PDE6G: variants seen among roughly 807,000 people sequenced by gnomAD.
The protein encoded by PDE6G is phosphodiesterase 6G.
In PDE6G, 10 loss-of-function variants were observed where a neutral mutation model predicts 10.9. The observed-to-expected ratio is 0.91, with a 90% CI of 0.56 to 1.55. The LOEUF (loss-of-function observed/expected upper bound fraction) is 1.55. Ranked by LOEUF, PDE6G falls within the 40% of genes most tolerant of loss-of-function variation. The pLI is 0.00. For synonymous variants in PDE6G, 41 were observed against 42.8 expected, an observed-to-expected ratio of 0.96 and a Z score of 0.16; for missense variants, 102 against 110.1, an observed-to-expected ratio of 0.93 and a Z score of 0.33.
intron 1 of PDE6G, among the ~76,000 whole-genome samples, chr17:81,654,426 T>C (rs1396203293): frequency 2.8e-5 from 4 of 141,742 alleles, no homozygotes; most frequent in African/African-American, 1.1e-4. Flanking sequence ...GTCACCCAGG[T>C]TGGAGTGCAG....
Position 81,653,054 on chromosome 17 carries a change from A to T in PDE6G, c.146+106T>A. 1 of 1,309,598 alleles carries T rather than the reference A, an allele frequency of 7.6e-7. No homozygotes were observed. 81.1% of individuals were successfully genotyped at this position (1,309,598 alleles called of 1,614,324 possible). On this transcript the variant is annotated intron_variant, in intron 2 of 3. Transcript: ENST00000331056. The surrounding 1 kb of genome is among the most constrained non-coding windows in gnomAD (Gnocchi z 5.2). ...CTTCCCCAGCTGTGAGGCTGGGACC[A>T]CTCACCCAGTGAAGTGGCCCCAGGC...
rs377414926 is a variant in PDE6G at position 81,653,275 on chromosome 17, G to A, written c.31C>T (p.Arg11Trp). ...CCCCCGGCCACCCTGGTGGCTGACC[G>A]GAACTCAGCCTTGGGCGGTTCCAGG... is the stretch of plus-strand genomic sequence containing the variant. MNLEPPKAEF[R>W]SATRVAGGPV... Residue 11 changes from arginine (R) to tryptophan (W), a missense_variant, in exon 2 of 4, where the codon CGG becomes TGG. By Grantham distance (101) the Arg-to-Trp change is moderately radical. Coordinates refer to ENST00000331056, the MANE Select transcript of PDE6G (RefSeq NM_002602.4). This position sits in a 1 kb window ranked among gnomAD's most constrained non-coding sequence, Gnocchi z 5.2. The A allele has an allele frequency of 3.3e-5, 53 of 1,613,850 alleles. No homozygotes were observed. In the African/African-American group the frequency reaches 4.7e-4, roughly 14 times the overall value.
At chr17:81,661,257 T>TTGCC (rs2036507765), upstream of PDE6G, among the ~76,000 whole-genome samples, 1 of 152,064 alleles carries the variant, frequency 6.6e-6, no homozygotes, top group African/African-American at 2.4e-5. Context: ...ATGGTGGCAC[T>TTGCC]TGCCTGTAGT....
rs1205342036 is a variant in PDE6G, at chr17:81,651,155, G to A, written c.188-5C>T. 3 of 1,610,090 alleles carry A rather than the reference G, an allele frequency of 1.9e-6. No individual in the cohort carries two copies. Among genetic ancestry groups the A allele is most frequent in the Non-Finnish European group, 2.6e-6 (3 of 1,176,324 alleles). ...AAGGGCAGATGACTGTGATGTCTGT[G>A]GGAGAAACGGGCCACGGATCAGAGA... On this transcript the variant is annotated splice_region_variant and splice_polypyrimidine_tract_variant and intron_variant, in intron 3 of 3. Coordinates refer to ENST00000331056, the MANE Select transcript of PDE6G (RefSeq NM_002602.4). The surrounding 1 kb of genome is among the most constrained non-coding windows in gnomAD (Gnocchi z 4.8).
Position 81,651,257 on chromosome 17 carries a change from T to C in PDE6G, c.188-107A>G. ...GCCCAGGTGTAGCCCTACAGTGTGC[T>C]GAGCGGGGACGTGCGGACGCTGGAG... On this transcript the variant is annotated intron_variant, in intron 3 of 3. Transcript: ENST00000331056. The surrounding 1 kb of genome is among the most constrained non-coding windows in gnomAD (Gnocchi z 4.8). The C allele has an allele frequency of 1.2e-6, 1 of 836,314 alleles. No individual in the cohort carries two copies. The highest frequency in any genetic ancestry group is 1.4e-5 in the South Asian group (1 of 70,864). 51.8% of individuals were successfully genotyped at this position (836,314 alleles called of 1,614,324 possible).
chr17:81,656,599 C>T, upstream of PDE6G: 1 of 742,242 alleles, frequency 1.3e-6, no homozygotes, highest in Non-Finnish European at 2.5e-6. Flanking sequence ...GATTAGGCGT[C>T]TCAGTGCCAC....
Position 81,651,250 on chromosome 17 carries a change from A to C in PDE6G, c.188-100T>G. 1.1e-6 allele frequency: 1 copy of C among 870,588 alleles called. No individual in the cohort carries two copies. Among genetic ancestry groups the C allele is most frequent in the Non-Finnish European group, 1.9e-6 (1 of 522,412 alleles). The allele number at this position is 870,588 out of a possible 1,614,324, so 53.9% of individuals were successfully genotyped here. A position where few individuals can be genotyped will look rare whatever the true frequency, so the allele number is the denominator to read the frequency against. ...TCCCACAGCCCAGGTGTAGCCCTAC[A>C]GTGTGCTGAGCGGGGACGTGCGGAC... On this transcript the variant is annotated intron_variant, in intron 3 of 3. Coordinates refer to ENST00000331056, the MANE Select transcript of PDE6G (RefSeq NM_002602.4). This position sits in a 1 kb window ranked among gnomAD's most constrained non-coding sequence, Gnocchi z 4.8.
In PDE6G at chr17:81,653,741, T is replaced by C; in HGVS notation, c.-59-377A>G. ...TGACCACTGACAACTTCCTGCCCCT[T>C]CCCCTGCGTTCCCCACCCCAGGGAA... On this transcript the variant is annotated intron_variant, in intron 1 of 3. Coordinates refer to ENST00000331056, the MANE Select transcript of PDE6G (RefSeq NM_002602.4). The surrounding 1 kb of genome is among the most constrained non-coding windows in gnomAD (Gnocchi z 5.2). 5.3e-6 allele frequency: 1 copy of C among 190,096 alleles called. No individual in the cohort carries two copies. The highest frequency in any genetic ancestry group is 1.1e-4 in the South Asian group (1 of 8,786). The allele number at this position is 190,096 out of a possible 1,614,324, so 11.8% of individuals were successfully genotyped here. A position where few individuals can be genotyped will look rare whatever the true frequency, so the allele number is the denominator to read the frequency against.
rs774189302 is a variant in PDE6G, at chr17:81,651,201, C to G, written c.188-51G>C. 1 of 1,339,936 alleles carries G rather than the reference C, an allele frequency of 7.5e-7. No homozygotes were observed. The highest frequency in any genetic ancestry group is 1.1e-6 in the Non-Finnish European group (1 of 931,978). 83.0% of individuals were successfully genotyped at this position (1,339,936 alleles called of 1,614,324 possible). On this transcript the variant is annotated intron_variant, in intron 3 of 3. Coordinates refer to ENST00000331056, the MANE Select transcript of PDE6G (RefSeq NM_002602.4). This position sits in a 1 kb window ranked among gnomAD's most constrained non-coding sequence, Gnocchi z 4.8. ...AGAGAGGATCCCACGGCCTAGGGAC[C>G]CCCCCATCCCCTGTGGCCCTGTTTC...
chr17:81,659,946 G>A (rs1357814858), upstream of PDE6G, among the ~76,000 whole-genome samples: 8 of 152,138 alleles, frequency 5.3e-5, no homozygotes, highest in Admixed American at 3.3e-4. Context: ...TTAGCCGGGC[G>A]TGGTGGTGCA....
At chr17:81,661,427 T>C (rs937008439), upstream of PDE6G, among the ~76,000 whole-genome samples, 62 of 152,192 alleles carry the variant, frequency 4.1e-4, no homozygotes, top group African/African-American at 1.4e-3. Context: ...ACAAAAAGCC[T>C]GAAAGCCAGC....
intron 1 of PDE6G, chr17:81,662,923 C>T (rs769865670): frequency 3.3e-5 from 5 of 152,214 alleles, no homozygotes; most frequent in Non-Finnish European, 7.3e-5. Flanking sequence ...GGCTTTGAAC[C>T]CAGGAGGCGG....
chr17:81,651,391 A>G lies in PDE6G; in HGVS notation c.188-241T>C, dbSNP rs1220009990. Among the ~76,000 whole-genome samples the G allele has an allele frequency of 6.6e-6, 1 of 152,052 alleles. No individual in the cohort carries two copies. Among genetic ancestry groups the G allele is most frequent in the Non-Finnish European group, 1.5e-5 (1 of 67,950 alleles). On this transcript the variant is annotated intron_variant, in intron 3 of 3. Transcript: ENST00000331056. This position sits in a 1 kb window ranked among gnomAD's most constrained non-coding sequence, Gnocchi z 4.8. ...GGGGCTTGCTGAAGGGGGAGGAGGC[A>G]GCGAGGGGTTCTGTTCTTTCCCAAA...
At position 81,651,288 on chromosome 17, in the gene PDE6G, C is replaced by A; in HGVS notation, c.188-138G>T. ...GGGACGTGCGGACGCTGGAGTGGGG[C>A]CCTCCTCTGGGGACACACTGGCTGT... On this transcript the variant is annotated intron_variant, in intron 3 of 3. Transcript: ENST00000331056. This position sits in a 1 kb window ranked among gnomAD's most constrained non-coding sequence, Gnocchi z 4.8. 1 of 706,678 alleles carries A rather than the reference C, an allele frequency of 1.4e-6. No homozygotes were observed. Among genetic ancestry groups the A allele is most frequent in the African/African-American group, 1.7e-5 (1 of 57,480 alleles). The allele number at this position is 706,678 out of a possible 1,614,324, so 43.8% of individuals were successfully genotyped here. A position where few individuals can be genotyped will look rare whatever the true frequency, so the allele number is the denominator to read the frequency against.
In PDE6G at chr17:81,653,138, C is replaced by G; in HGVS notation, c.146+22G>C. 1 of 1,613,856 alleles carries G rather than the reference C, an allele frequency of 6.2e-7. No individual in the cohort carries two copies. The highest frequency in any genetic ancestry group is 8.5e-7 in the Non-Finnish European group (1 of 1,179,860). ...GGACCGCCTCCTCCCTTTCAGAGGCCCCATCCCCCAGCTCTGCTTACCCTT... is the reference window on the plus strand; with the variant it reads ...GGACCGCCTCCTCCCTTTCAGAGGCGCCATCCCCCAGCTCTGCTTACCCTT... On this transcript the variant is annotated intron_variant, in intron 2 of 3. Transcript: ENST00000331056. This position sits in a 1 kb window ranked among gnomAD's most constrained non-coding sequence, Gnocchi z 5.2.
upstream of PDE6G, among the ~76,000 whole-genome samples, chr17:81,660,000 G>T (rs774162585): frequency 1.3e-5 from 2 of 151,516 alleles, no homozygotes; most frequent in East Asian, 1.9e-4. Flanking sequence ...CAGGAGAATC[G>T]ATTGAACCCA....
In PDE6G at chr17:81,653,168, G is replaced by A. The variant is rs764442587; in HGVS notation, c.138C>T (p.Gly46=). The A allele has an allele frequency of 1.7e-5, 27 of 1,613,786 alleles. No homozygotes were observed. Among genetic ancestry groups the A allele is most frequent in the East Asian group, 2.2e-5 (1 of 44,854 alleles). Residue 46 remains glycine (G), a synonymous_variant, in exon 2 of 4, where the codon GGC becomes GGT. Transcript: ENST00000331056. This position sits in a 1 kb window ranked among gnomAD's most constrained non-coding sequence, Gnocchi z 5.2. ...RQFKSKPPKK[G]VQGFGDDIPG... is the part of the protein sequence containing the mutation. ...CCCCCAGCTCTGCTTACCCTTGAAC[G>A]CCTTTCTTTGGGGGCTTGCTCTTGA...
rs552131783 is a variant in PDE6G at position 81,651,071 on chromosome 17, G to T, written c.*3C>A. Reference sequence around the variant, plus strand: ...AGGGTCTGGACTTCAGCAGGGCCTCGTGCTAGATGATGCCATATTGGGCCA... The same window carrying T: ...AGGGTCTGGACTTCAGCAGGGCCTCTTGCTAGATGATGCCATATTGGGCCA... On this transcript the variant is annotated 3_prime_UTR_variant, in exon 4 of 4. Transcript: ENST00000331056. The surrounding 1 kb of genome is among the most constrained non-coding windows in gnomAD (Gnocchi z 4.8). The T allele has an allele frequency of 1.9e-6, 3 of 1,607,932 alleles. No homozygotes were observed. The highest frequency in any genetic ancestry group is 2.6e-6 in the Non-Finnish European group (3 of 1,174,490).
At chr17:81,662,823 C>A (rs993180027) in intron 1 of PDE6G, among the ~76,000 whole-genome samples, 2 of 151,800 alleles carry the variant, frequency 1.3e-5, no homozygotes, top group Non-Finnish European at 2.9e-5. Flanking sequence ...TATGGCGAAA[C>A]CCCGTCTCTA....
Sources: allele counts gnomAD v4.1 joint callset (sites outside exome capture counted in the v4.1 genomes callset), GRCh38; gene constraint gnomAD v4.1.1; non-coding constraint Gnocchi (gnomAD v3.1); transcripts MANE v1.5; gene names NCBI Gene and HGNC (gene_info 2026-07-23, HGNC 2026-07-21).